CEP164: variants seen among roughly 807,000 people sequenced by gnomAD.
CEP164 encodes the protein centrosomal protein of 164 kDa.
A neutral mutation model predicts 182.7 loss-of-function variants in CEP164; 162 were observed. That is an observed-to-expected ratio of 0.89 (90% confidence interval 0.78 to 1.01). The LOEUF (loss-of-function observed/expected upper bound fraction) is 1.01, where lower values mean the gene tolerates loss of function less well. Among genes scored for constraint, CEP164 ranks in the 50% least tolerant of loss-of-function variants. The pLI is 0.00. For synonymous variants in CEP164, 661 were observed against 690.0 expected (o/e 0.96, Z 0.66); for missense variants, 1,735 against 1,790.4 (o/e 0.97, Z 0.56).
chr11:117,382,864 T>C lies in CEP164; in HGVS notation c.1646T>C (p.Leu549Pro). 1 of 1,613,872 alleles carries C rather than the reference T, an allele frequency of 6.2e-7. No homozygotes were observed. Among genetic ancestry groups the C allele is most frequent in the Non-Finnish European group, 8.5e-7 (1 of 1,179,986 alleles). ...GAGCAGCATTCCCAGGCCGAGGAGC[T>C]GGGCCCTGGGCAGGAAGAGGCAGAG... is the stretch of plus-strand genomic sequence containing the variant. ...GKEQHSQAEE[L>P]GPGQEEAEDP... is the part of the protein sequence containing the mutation. The change falls in exon 14 of 33, where the codon CTG becomes CCG. Residue 549 changes from leucine (L) to proline (P), a missense_variant. Physicochemically the swap from Leu to Pro is moderately conservative, Grantham distance 98. Transcript: ENST00000278935.
At chr11:117,346,463 T>G (rs1430347365) in intron 4 of CEP164, among the ~76,000 whole-genome samples, 4 of 151,900 alleles carry the variant, frequency 2.6e-5, no homozygotes, top group Non-Finnish European at 5.9e-5. Flanking sequence ...TTCGCCATGT[T>G]GATCAGGCTG....
At chr11:117,339,374 A>G (rs2037722293) in intron 3 of CEP164, among the ~76,000 whole-genome samples, 1 of 152,100 alleles carries the variant, frequency 6.6e-6, no homozygotes, top group Non-Finnish European at 1.5e-5. Context: ...ACCAGGGGAA[A>G]CCCAATTTCC....
At chr11:117,382,438 T>A (rs1424585454) in intron 13 of CEP164, among the ~76,000 whole-genome samples, 2 of 152,054 alleles carry the variant, frequency 1.3e-5, no homozygotes, top group Non-Finnish European at 2.9e-5. Flanking sequence ...TAGTTGTCTG[T>A]CCCCCTAGCA....
intron 7 of CEP164, among the ~76,000 whole-genome samples, 197 bp from the exon 8 acceptor site, chr11:117,363,232 T>C (rs1363062730): frequency 2.6e-5 from 4 of 152,230 alleles, no homozygotes; most frequent in Admixed American, 2.6e-4. Flanking sequence ...CACTTGCTTG[T>C]TGCACAGCAT....
intron 24 of CEP164, 62 bp from the exon 25 acceptor site, chr11:117,395,992 C>T (rs2045391591): frequency 6.2e-7 from 1 of 1,605,242 alleles, no homozygotes; most frequent in African/African-American, 1.3e-5. Flanking sequence ...TTCTGACCCA[C>T]TTCACCCCTC....
At chr11:117,358,948 C>CTT (rs61487104) in intron 5 of CEP164, among the ~76,000 whole-genome samples, 54 of 142,922 alleles carry the variant, frequency 3.8e-4, no homozygotes, top group Middle Eastern at 3.8e-3. Flanking sequence ...GGGCAGGGTT[C>CTT]TTTTTTTTTT....
chr11:117,351,960 A>G lies in CEP164; in HGVS notation c.365A>G (p.Lys122Arg), dbSNP rs756317239. ...KKKKKEKKDK[K>R]DRDPPKSSLA... ...AAAAAAAAGGAAAAGAAAGACAAGA[A>G]GGACAGAGACCCCCCCAAAAGTTCG... The change falls in exon 5 of 33, where the codon AAG (lysine) becomes AGG (arginine). Residue 122 changes from lysine to arginine, a missense_variant. Coordinates refer to ENST00000278935, the MANE Select transcript of CEP164 (RefSeq NM_014956.5). 10 of 1,599,746 alleles carry G rather than the reference A, an allele frequency of 6.3e-6. No homozygotes were observed. The East Asian group carries it at 1.8e-4, about 29-fold the overall frequency.
intron 3 of CEP164, among the ~76,000 whole-genome samples, chr11:117,339,719 G>A (rs1030190147): frequency 2.6e-5 from 4 of 151,764 alleles, no homozygotes; most frequent in Non-Finnish European, 4.4e-5. Flanking sequence ...TTTTAGTAGA[G>A]AAGGGGTTTT....
At chr11:117,395,458 C>A in intron 23 of CEP164, 89 bp from the exon 24 acceptor site, 2 of 1,407,146 alleles carry the variant, frequency 1.4e-6, no homozygotes, top group East Asian at 2.4e-5. Flanking sequence ...GCCTGTCCTC[C>A]TTTGGCTTCC....
Position 117,409,869 on chromosome 11 carries a change from TG to T in CEP164, c.4003del (p.Ala1335ProfsTer78). 2 of 1,344,186 alleles carry T rather than the reference TG, an allele frequency of 1.5e-6. No homozygotes were observed. The highest frequency in any genetic ancestry group is 2.0e-6 in the Non-Finnish European group (2 of 1,018,164). The allele number at this position is 1,344,186 out of a possible 1,614,324, so 83.3% of individuals were successfully genotyped here. The stretch of plus-strand genomic sequence containing the variant: ...ATCTGCTACACCCACGTCCACCCAA[TG>T]GGCCTGGGATTCAGGGCAGGGGCCC... ...LSSATPTSTQ[W>X]AWDSGQGPRL... is the part of the protein sequence containing the mutation. On this transcript the variant is annotated frameshift_variant, in exon 30 of 33. Transcript: ENST00000278935. LOFTEE classifies it high-confidence loss of function. The surrounding 1 kb of genome is among the most constrained non-coding windows in gnomAD (Gnocchi z 4.4).
chr11:117,368,557 C>CG (rs1198677731), intron 8 of CEP164, among the ~76,000 whole-genome samples: 2 of 152,132 alleles, frequency 1.3e-5, no homozygotes, highest in African/African-American at 4.8e-5. Flanking sequence ...AACTTCAAGC[C>CG]GGGGGGAGCC....
In CEP164 at chr11:117,408,779, A is replaced by G; in HGVS notation, c.3610-111A>G. On this transcript the variant is annotated intron_variant, in intron 28 of 32. Transcript: ENST00000278935. ...GCGTAAGAAAACCAGCTTAAAGACA[A>G]AACATAAAGAAGAACCTAGCTCAGT... is the stretch of plus-strand genomic sequence containing the variant. 2.1e-6 allele frequency: 3 copies of G among 1,398,688 alleles called. No homozygotes were observed. The East Asian group carries it at 7.0e-5, about 33-fold the overall frequency. 86.6% of individuals were successfully genotyped at this position (1,398,688 alleles called of 1,614,324 possible).
chr11:117,359,077 TG>T (rs1361685883), intron 5 of CEP164, among the ~76,000 whole-genome samples: 1 of 152,154 alleles, frequency 6.6e-6, no homozygotes, highest in Non-Finnish European at 1.5e-5. Flanking sequence ...CCTCAGTAGC[TG>T]GGATTACAGG....
intron 13 of CEP164, 128 bp from the exon 14 acceptor site, chr11:117,382,668 C>T (rs1390766605): frequency 1.2e-5 from 14 of 1,122,000 alleles, no homozygotes; most frequent in South Asian, 3.0e-5. Context: ...GTCTAAGACC[C>T]GAGGTAGGGA....
chr11:117,393,181 G>GCACATGCACACACACATGCACACA, intron 20 of CEP164, 55 bp downstream of exon 20: 2 of 1,584,572 alleles, frequency 1.3e-6, no homozygotes, highest in Non-Finnish European at 1.7e-6. Context: ...ACACATGCAC[G>GCACATGCACACACACATGCACACA]CACATGCACA....
At chr11:117,360,237 A>C (rs1417621294) in intron 5 of CEP164, among the ~76,000 whole-genome samples, 1 of 152,128 alleles carries the variant, frequency 6.6e-6, no homozygotes, top group East Asian at 1.9e-4. Context: ...CAGTGGTTCT[A>C]TCTCACTATA....
chr11:117,354,715 T>TC (rs1263321835), intron 5 of CEP164, among the ~76,000 whole-genome samples: 97 of 151,934 alleles, frequency 6.4e-4, no homozygotes, highest in African/African-American at 2.2e-3. Flanking sequence ...GTGTTTTACT[T>TC]CATTTTTTAG....
At chr11:117,378,618 T>A (rs2042994428) in intron 11 of CEP164, among the ~76,000 whole-genome samples, 1 of 152,166 alleles carries the variant, frequency 6.6e-6, no homozygotes, top group Non-Finnish European at 1.5e-5. Context: ...AGGCTTAGGA[T>A]GTGCGATTGT....
chr11:117,411,648 A>ATT lies in CEP164; in HGVS notation c.4164-147_4164-146insTT. On this transcript the variant is annotated intron_variant, in intron 31 of 32. Coordinates refer to ENST00000278935, the MANE Select transcript of CEP164 (RefSeq NM_014956.5). The surrounding 1 kb of genome is among the most constrained non-coding windows in gnomAD (Gnocchi z 4.4). ...TGTTCTGGAGGGGCAGATGTTTTGAAGCTTTGAATTGCTAGGGACCTCGGA... is the reference window on the plus strand; with the variant it reads ...TGTTCTGGAGGGGCAGATGTTTTGAATTGCTTTGAATTGCTAGGGACCTCGGA... 3 of 1,108,656 alleles carry ATT rather than the reference A, an allele frequency of 2.7e-6. No homozygotes were observed. The highest frequency in any genetic ancestry group is 3.8e-6 in the Non-Finnish European group (3 of 782,364). The allele number at this position is 1,108,656 out of a possible 1,614,324, so 68.7% of individuals were successfully genotyped here.
Sources: allele counts gnomAD v4.1 joint callset (sites outside exome capture counted in the v4.1 genomes callset), GRCh38; gene constraint gnomAD v4.1.1; non-coding constraint Gnocchi (gnomAD v3.1); transcripts MANE v1.5; gene names NCBI Gene and HGNC (gene_info 2026-07-23, HGNC 2026-07-21).